Variants in GLI2 observed in about 807,000 individuals in gnomAD.
GLI2 encodes transcription activator GLI2.
GLI2 carries 22 observed loss-of-function variants against 78.9 expected under a neutral mutation model. The ratio of observed to expected loss-of-function variants is 0.28; its 90% CI spans 0.20 to 0.40. GLI2 has a LOEUF of 0.40. Among genes scored for constraint, GLI2 ranks in the 10% least tolerant of loss-of-function variants. GLI2 has a pLI of 1.00. For synonymous variants in GLI2, 974 were observed against 963.7 expected (o/e 1.01, Z -0.20); for missense variants, 2,097 against 2,213.2 (o/e 0.95, Z 1.05).
chr2:120,942,296 A>T (rs1680484553), intron 3 of GLI2, among the ~76,000 whole-genome samples: 1 of 152,180 alleles, frequency 6.6e-6, no homozygotes, highest in Admixed American at 6.5e-5. Flanking sequence ...TCGAGGTGTC[A>T]CCAGGGCTGT....
chr2:120,885,364 C>T (rs1276795370), intron 2 of GLI2, among the ~76,000 whole-genome samples: 1 of 152,194 alleles, frequency 6.6e-6, no homozygotes, highest in African/African-American at 2.4e-5. Flanking sequence ...GTAAATGGCC[C>T]CTCAACCTCA....
chr2:120,980,700 A>G (rs2105058189), intron 10 of GLI2, among the ~76,000 whole-genome samples: 2 of 152,318 alleles, frequency 1.3e-5, no homozygotes, highest in East Asian at 3.9e-4. Context: ...GCCTAATCCA[A>G]GGTCACAAAA....
chr2:120,758,940 T>A (rs1349573530), intron 1 of GLI2, among the ~76,000 whole-genome samples: 1 of 152,100 alleles, frequency 6.6e-6, no homozygotes, highest in Non-Finnish European at 1.5e-5. Flanking sequence ...TCCTCTCCCC[T>A]CTGGAGGAAG....
intron 2 of GLI2, among the ~76,000 whole-genome samples, chr2:120,853,246 G>A (rs902594226): frequency 2.0e-5 from 3 of 152,200 alleles, no homozygotes; most frequent in Admixed American, 6.5e-5. Flanking sequence ...AGACCAGGAC[G>A]AGGAGGTTGG....
intron 2 of GLI2, among the ~76,000 whole-genome samples, chr2:120,801,320 G>A (rs978624513): frequency 1.3e-4 from 20 of 152,242 alleles, no homozygotes; most frequent in Admixed American, 8.5e-4. Context: ...TGTATTTTTA[G>A]TAGAGATGGG....
intron 2 of GLI2, among the ~76,000 whole-genome samples, chr2:120,834,919 G>A (rs986887546): frequency 6.6e-6 from 1 of 152,138 alleles, no homozygotes; most frequent in African/African-American, 2.4e-5. Context: ...TGCACCCCAT[G>A]TTCTCTGGGC....
At chr2:120,920,951 G>A (rs1292429289) in intron 2 of GLI2, among the ~76,000 whole-genome samples, 1 of 151,620 alleles carries the variant, frequency 6.6e-6, no homozygotes, top group Non-Finnish European at 1.5e-5. Flanking sequence ...GTGTGTAAGG[G>A]TCTGGCTCAG....
chr2:120,938,538 C>T (rs1232924434), intron 3 of GLI2, among the ~76,000 whole-genome samples: 22 of 152,204 alleles, frequency 1.4e-4, no homozygotes, highest in Non-Finnish European at 3.2e-4. Context: ...TCAGTGTTTA[C>T]TTAGTAAGAA....
At chr2:120,893,242 G>A (rs1157568254) in intron 2 of GLI2, among the ~76,000 whole-genome samples, 1 of 152,216 alleles carries the variant, frequency 6.6e-6, no homozygotes, top group Non-Finnish European at 1.5e-5. Flanking sequence ...GGATGACGTG[G>A]AGGGAGAAGG....
chr2:120,982,702 C>T lies in GLI2; in HGVS notation c.1468-14C>T. 1 of 1,605,354 alleles carries T rather than the reference C, an allele frequency of 6.2e-7. No homozygotes were observed. Among genetic ancestry groups the T allele is most frequent in the Non-Finnish European group, 8.5e-7 (1 of 1,174,038 alleles). Reference sequence around the variant, plus strand: ...CCCTGGGGTGCCTTGACTGACTGAACCGCCTCCTTCTAGTTCGAGGGCTGC... The same window carrying T: ...CCCTGGGGTGCCTTGACTGACTGAATCGCCTCCTTCTAGTTCGAGGGCTGC... On this transcript the variant is annotated splice_polypyrimidine_tract_variant and intron_variant, in intron 10 of 13. Transcript: ENST00000361492.
intron 1 of GLI2, among the ~76,000 whole-genome samples, chr2:120,787,485 C>T (rs1170077931): frequency 6.6e-6 from 1 of 152,130 alleles, no homozygotes; most frequent in African/African-American, 2.4e-5. Context: ...CTGTGGCTCC[C>T]GTGTGCCAGG....
At chr2:120,781,318 G>A (rs1000415526) in intron 1 of GLI2, among the ~76,000 whole-genome samples, 3 of 152,096 alleles carry the variant, frequency 2.0e-5, no homozygotes, top group Non-Finnish European at 2.9e-5. Flanking sequence ...GGGCTTAGGG[G>A]CCAAACCCAG....
At chr2:120,942,240 C>T (rs918260399) in intron 3 of GLI2, among the ~76,000 whole-genome samples, 1 of 152,268 alleles carries the variant, frequency 6.6e-6, no homozygotes, top group Middle Eastern at 3.4e-3. Flanking sequence ...TATGTTCTCT[C>T]GGTTTCAGAG....
At chr2:120,970,812 G>A (rs1043413859) in intron 7 of GLI2, among the ~76,000 whole-genome samples, 17 of 152,202 alleles carry the variant, frequency 1.1e-4, no homozygotes, top group Non-Finnish European at 1.5e-4. Context: ...TGATTCTGCC[G>A]TCTCCTGTCC....
chr2:120,975,183 G>C, intron 9 of GLI2, 74 bp downstream of exon 9: 1 of 1,456,912 alleles, frequency 6.9e-7, no homozygotes, highest in Non-Finnish European at 9.5e-7. Flanking sequence ...GCCTTCCAGG[G>C]CCTCTACTAG....
intron 1 of GLI2, among the ~76,000 whole-genome samples, chr2:120,783,996 G>A (rs773270138): frequency 5.9e-5 from 9 of 152,308 alleles, no homozygotes; most frequent in Non-Finnish European, 8.8e-5. Flanking sequence ...CTTCGGCTTC[G>A]TGTGAGGCTC....
chr2:120,921,481 C>T lies in GLI2; in HGVS notation c.149-5880C>T, dbSNP rs185900993. Among the ~76,000 whole-genome samples the T allele has an allele frequency of 5.3e-5, 8 of 152,170 alleles. No individual in the cohort carries two copies. In the East Asian group the frequency reaches 7.7e-4, roughly 15 times the overall value. ...TTGGGGTGTCACTGGCTGGAATAAG[C>T]GAGGCCCTTTGCCTGGGAAGTGGGC... On this transcript the variant is annotated intron_variant, in intron 2 of 13. Coordinates refer to ENST00000361492, the MANE Select transcript of GLI2 (RefSeq NM_001374353.1).
chr2:120,782,190 T>C (rs1315956906), intron 1 of GLI2, among the ~76,000 whole-genome samples: 1 of 152,230 alleles, frequency 6.6e-6, no homozygotes, highest in Non-Finnish European at 1.5e-5. Context: ...CAGGGTTTAA[T>C]GGGTGTACTT....
At chr2:120,862,274 G>T (rs1043973452) in intron 2 of GLI2, among the ~76,000 whole-genome samples, 3 of 152,166 alleles carry the variant, frequency 2.0e-5, no homozygotes, top group Admixed American at 6.5e-5. Flanking sequence ...TTTGCTAAAT[G>T]TTTGTGGAAT....
Sources: gnomAD v4.1 joint callset for allele counts (sites outside exome capture counted in the v4.1 genomes callset) on GRCh38, gnomAD v4.1.1 for gene constraint, MANE v1.5 for transcripts, NCBI Gene and HGNC (gene_info 2026-07-23, HGNC 2026-07-21) for gene names.